Variants in CFAP299 observed in about 807,000 individuals in gnomAD.
CFAP299 encodes cilia- and flagella-associated protein 299.
A neutral mutation model predicts 27.0 loss-of-function variants in CFAP299; 21 were observed. That is an observed-to-expected ratio of 0.78 (90% CI 0.55 to 1.12). The LOEUF (loss-of-function observed/expected upper bound fraction) is 1.12. Ranked by LOEUF, CFAP299 falls within the 50% of genes most tolerant of loss-of-function variation. CFAP299 has a pLI of 0.00. For missense variants in CFAP299, 310 were observed against 276.6 expected (o/e 1.12, Z -0.86); for synonymous variants, 104 against 98.1 (o/e 1.06, Z -0.36).
chr4:80,338,210 A>G (rs919754163), intron 1 of CFAP299, among the ~76,000 whole-genome samples: 1 of 152,204 alleles, frequency 6.6e-6, no homozygotes, highest in Non-Finnish European at 1.5e-5. Flanking sequence ...CATATACAAC[A>G]TGATGTTTTA....
chr4:80,796,732 C>G (rs2101698), intron 3 of CFAP299, among the ~76,000 whole-genome samples: 37,478 of 152,074 alleles, frequency 0.25, 5,524 homozygotes, highest in African/African-American at 0.41. Context: ...GTCAACACTC[C>G]TGCATCTTTC....
At chr4:80,473,480 G>A (rs770576564) in intron 2 of CFAP299, among the ~76,000 whole-genome samples, 6 of 151,672 alleles carry the variant, frequency 4.0e-5, no homozygotes, top group Non-Finnish European at 8.8e-5. Context: ...ATTTTTTAGG[G>A]AGACGAGCTC....
At chr4:80,472,126 G>C (rs2110117040) in intron 2 of CFAP299, among the ~76,000 whole-genome samples, 1 of 152,338 alleles carries the variant, frequency 6.6e-6, no homozygotes, top group East Asian at 1.9e-4. Flanking sequence ...CTTTTAGAAA[G>C]GGGGCAGGAG....
intron 3 of CFAP299, among the ~76,000 whole-genome samples, chr4:80,793,877 G>A (rs1048151237): frequency 6.2e-4 from 94 of 152,068 alleles, no homozygotes; most frequent in African/African-American, 2.2e-3. Context: ...TGACTACCTC[G>A]TCTACTATCC....
intron 2 of CFAP299, among the ~76,000 whole-genome samples, chr4:80,505,765 A>G (rs1374057619): frequency 1.3e-5 from 2 of 152,130 alleles, no homozygotes; most frequent in African/African-American, 4.8e-5. Context: ...TCATAAAGAA[A>G]TCTCATGAGC....
In CFAP299 at chr4:80,343,106, A is replaced by G. The variant is rs757883229; in HGVS notation, c.111+7227A>G. Among the ~76,000 whole-genome samples, 89 of 152,256 alleles carry G rather than the reference A, an allele frequency of 5.8e-4. 1 individual carries two copies. The highest frequency in any genetic ancestry group is 2.2e-4 in the Non-Finnish European group (15 of 68,042). ...GGATGTACATAATGAGAAAGGGTTC[A>G]ACTCAATAAGAAGAGCTAACTATCT... On this transcript the variant is annotated intron_variant, in intron 1 of 5. Transcript: ENST00000358105.
intron 2 of CFAP299, among the ~76,000 whole-genome samples, chr4:80,407,195 A>C (rs1726473772): frequency 6.6e-6 from 1 of 152,172 alleles, no homozygotes; most frequent in Non-Finnish European, 1.5e-5. Flanking sequence ...CACAATAATA[A>C]AAGCCAACAG....
intron 3 of CFAP299, among the ~76,000 whole-genome samples, chr4:80,664,271 C>T (rs967492756): frequency 6.6e-6 from 1 of 152,152 alleles, no homozygotes; most frequent in Admixed American, 6.5e-5. Flanking sequence ...GAGCACTATG[C>T]TGGGAGATCC....
intron 2 of CFAP299, among the ~76,000 whole-genome samples, chr4:80,546,633 C>T (rs1734240975): frequency 6.6e-6 from 1 of 152,122 alleles, no homozygotes; most frequent in African/African-American, 2.4e-5. Flanking sequence ...CATCATGGCT[C>T]AGTGCTGTCC....
rs1722105349 is a variant in CFAP299 at position 80,335,829 on chromosome 4, G to A, written c.61G>A (p.Glu21Lys). The A allele has an allele frequency of 6.2e-7, 1 of 1,613,992 alleles. No homozygotes were observed. The highest frequency in any genetic ancestry group is 2.2e-5 in the East Asian group (1 of 44,874). Residue 21 changes from glutamate to lysine, a missense_variant, in exon 1 of 6, where the codon GAA (glutamate) becomes AAA (lysine). Physicochemically the swap from Glu to Lys is moderately conservative, Grantham distance 56 (BLOSUM62 1). Coordinates refer to ENST00000358105, the MANE Select transcript of CFAP299 (RefSeq NM_152770.3). ...DNIVTQFNAY[E>K]DFLDSQITTV... is the part of the protein sequence containing the mutation. ...TATTGTCACTCAATTCAACGCCTAT[G>A]AAGATTTCCTGGACTCGCAGATCAC...
At chr4:80,678,120 T>C (rs566422788) in intron 3 of CFAP299, among the ~76,000 whole-genome samples, 4 of 152,010 alleles carry the variant, frequency 2.6e-5, no homozygotes, top group Non-Finnish European at 5.9e-5. Flanking sequence ...CCTTGGGATA[T>C]CTCTTCTATG....
rs1722102780 is a variant in CFAP299 at position 80,335,786 on chromosome 4, G to A, written c.18G>A (p.Gly6=). 1.9e-6 allele frequency: 3 copies of A among 1,612,556 alleles called. No homozygotes were observed. Among genetic ancestry groups the A allele is most frequent in the Non-Finnish European group, 2.5e-6 (3 of 1,178,570 alleles). Residue 6 remains glycine (G), a synonymous_variant, in exon 1 of 6, where the codon GGG becomes GGA. Coordinates refer to ENST00000358105, the MANE Select transcript of CFAP299 (RefSeq NM_152770.3). The part of the protein sequence containing the change: MDQEE[G]LKALDNIVTQ... ...ATACCGCAATGGATCAGGAAGAGGGGCTGAAGGCCTTGGACAATATTGTCA... is the reference window on the plus strand; with the variant it reads ...ATACCGCAATGGATCAGGAAGAGGGACTGAAGGCCTTGGACAATATTGTCA...
chr4:80,519,617 A>G (rs1183804589), intron 2 of CFAP299, among the ~76,000 whole-genome samples: 3 of 152,170 alleles, frequency 2.0e-5, no homozygotes, highest in Non-Finnish European at 4.4e-5. Flanking sequence ...GGATGAAATT[A>G]AACAATGAGA....
the CFAP299 span, among the ~76,000 whole-genome samples, chr4:80,330,689 A>G: frequency 1.4e-4 from 21 of 152,306 alleles, no homozygotes; most frequent in South Asian, 2.7e-3. Flanking sequence ...CTCTTTATCA[A>G]AAAGAATTCT....
chr4:80,331,790 T>C (rs1721952078), upstream of CFAP299, among the ~76,000 whole-genome samples: 1 of 152,032 alleles, frequency 6.6e-6, no homozygotes, highest in South Asian at 2.1e-4. Context: ...ATTGGAAGAG[T>C]GACCTAGTTA....
chr4:80,857,200 C>CT (rs1731966090), intron 3 of CFAP299, among the ~76,000 whole-genome samples: 1 of 152,274 alleles, frequency 6.6e-6, no homozygotes, highest in East Asian at 1.9e-4. Context: ...ATTTGGCTCT[C>CT]TGTTTCTCTG....
At chr4:80,643,188 G>T (rs1739818751) in intron 3 of CFAP299, among the ~76,000 whole-genome samples, 1 of 152,096 alleles carries the variant, frequency 6.6e-6, no homozygotes, top group Non-Finnish European at 1.5e-5. Context: ...AGGAGTGATT[G>T]ACTAGGCCAA....
rs772752550 is a variant in CFAP299, at chr4:80,852,336, G to A, written c.334-17657G>A. Among the ~76,000 whole-genome samples, 23 of 152,142 alleles carry A rather than the reference G, an allele frequency of 1.5e-4. 1 individual carries two copies. The highest frequency in any genetic ancestry group is 1.6e-4 in the Non-Finnish European group (11 of 68,012). ...TCTGAAACTCTGGGGATGGGACTCA[G>A]CAATCTGTGCTTTGCAAGCCTTTCA... is the stretch of plus-strand genomic sequence containing the variant. On this transcript the variant is annotated intron_variant, in intron 3 of 5. Coordinates refer to ENST00000358105, the MANE Select transcript of CFAP299 (RefSeq NM_152770.3).
chr4:80,482,956 T>G (rs1730638818), intron 2 of CFAP299, among the ~76,000 whole-genome samples: 1 of 152,192 alleles, frequency 6.6e-6, no homozygotes, highest in Admixed American at 6.5e-5. Context: ...TTCCCCAAGA[T>G]GTTCATATCC....
Sources: allele counts gnomAD v4.1 joint callset (sites outside exome capture counted in the v4.1 genomes callset), GRCh38; gene constraint gnomAD v4.1.1; transcripts MANE v1.5; gene names NCBI Gene and HGNC (gene_info 2026-07-23, HGNC 2026-07-21).